Variants in AGBL1 observed in about 807,000 individuals in gnomAD.
AGBL1 encodes the protein AGBL carboxypeptidase 1.
Under a neutral mutation model 118.9 loss-of-function variants are expected in AGBL1, and 130 were observed. The ratio of observed to expected loss-of-function variants is 1.09; its 90% confidence interval spans 0.95 to 1.26. AGBL1 has a LOEUF of 1.26. Ranked by LOEUF, AGBL1 falls within the 50% of genes most tolerant of loss-of-function variation. AGBL1 has a pLI of 0.00. For missense variants in AGBL1, 1,584 were observed against 1,298.1 expected, an observed-to-expected ratio of 1.22 and a Z score of -3.38; for synonymous variants, 555 against 478.9, an observed-to-expected ratio of 1.16 and a Z score of -2.08.
intron 22 of AGBL1, among the ~76,000 whole-genome samples, chr15:86,749,255 G>A (rs1380116149): frequency 3.3e-5 from 5 of 151,926 alleles, no homozygotes; most frequent in Admixed American, 6.6e-5. Flanking sequence ...CCTAAGTATT[G>A]TATTCTCTTT....
At chr15:86,642,723 G>C (rs1037650520) in intron 21 of AGBL1, among the ~76,000 whole-genome samples, 30 of 151,770 alleles carry the variant, frequency 2.0e-4, no homozygotes, top group Non-Finnish European at 7.4e-5. Context: ...GATTCTATTT[G>C]CTTGGTTTTT....
chr15:86,878,913 T>A, intron 22 of AGBL1, among the ~76,000 whole-genome samples: 1 of 152,192 alleles, frequency 6.6e-6, no homozygotes, highest in East Asian at 1.9e-4. Flanking sequence ...ATTCTCTGAG[T>A]CCAGGAACCT....
intron 1 of AGBL1, among the ~76,000 whole-genome samples, chr15:86,108,366 T>G (rs1476282687): frequency 6.6e-6 from 1 of 152,018 alleles, no homozygotes; most frequent in Non-Finnish European, 1.5e-5. Context: ...TATAAATAGA[T>G]AAATAGATAG....
At chr15:86,358,786 C>T (rs2080759924) in intron 17 of AGBL1, among the ~76,000 whole-genome samples, 1 of 151,960 alleles carries the variant, frequency 6.6e-6, no homozygotes, top group South Asian at 2.1e-4. Context: ...CGCTGAGCAT[C>T]TTTTCCTACA....
intron 17 of AGBL1, among the ~76,000 whole-genome samples, chr15:86,373,876 T>C (rs569380272): frequency 7.9e-5 from 12 of 152,218 alleles, no homozygotes; most frequent in Non-Finnish European, 1.5e-4. Flanking sequence ...TTTATTATGG[T>C]GAGGTTTAAG....
chr15:86,471,448 T>C (rs2082477639), intron 18 of AGBL1, among the ~76,000 whole-genome samples: 1 of 152,088 alleles, frequency 6.6e-6, no homozygotes, highest in African/African-American at 2.4e-5. Context: ...TCACTTTGTT[T>C]GTATTTTGTG....
intron 21 of AGBL1, among the ~76,000 whole-genome samples, chr15:86,655,702 T>C (rs1426333420): frequency 6.6e-6 from 1 of 152,196 alleles, no homozygotes; most frequent in Non-Finnish European, 1.5e-5. Flanking sequence ...GTTGCTGTTG[T>C]CACTTGCTGG....
chr15:86,308,693 G>T (rs2079876813), intron 17 of AGBL1, among the ~76,000 whole-genome samples: 1 of 152,102 alleles, frequency 6.6e-6, no homozygotes, highest in Non-Finnish European at 1.5e-5. Context: ...TTTCCCCATT[G>T]TGTACTCTTG....
intron 22 of AGBL1, among the ~76,000 whole-genome samples, chr15:86,702,124 A>G (rs746794572): frequency 8.5e-5 from 13 of 152,110 alleles, no homozygotes; most frequent in Non-Finnish European, 1.3e-4. Context: ...CTCATATTAA[A>G]CAAATGTAAA....
chr15:86,134,329 G>A (rs2076856832), intron 1 of AGBL1, among the ~76,000 whole-genome samples: 1 of 152,200 alleles, frequency 6.6e-6, no homozygotes, highest in African/African-American at 2.4e-5. Flanking sequence ...TGGGCTATGA[G>A]CTGTGTCCTG....
At chr15:86,439,460 A>G (rs1489878302) in intron 18 of AGBL1, among the ~76,000 whole-genome samples, 3 of 152,170 alleles carry the variant, frequency 2.0e-5, no homozygotes, top group Non-Finnish European at 2.9e-5. Context: ...TTTTCCAAGT[A>G]GACTATAAAT....
intron 21 of AGBL1, among the ~76,000 whole-genome samples, chr15:86,556,002 A>G (rs1567055772): frequency 6.6e-6 from 1 of 152,152 alleles, no homozygotes; most frequent in Non-Finnish European, 1.5e-5. Context: ...GGGGCTTGTC[A>G]TTTGTTTAAA....
At chr15:87,006,127 G>A (rs1333358987) in intron 24 of AGBL1, among the ~76,000 whole-genome samples, 3 of 152,196 alleles carry the variant, frequency 2.0e-5, no homozygotes, top group Admixed American at 6.5e-5. Flanking sequence ...TGCCAGTTAG[G>A]CTACTCAGGG....
chr15:86,307,606 T>C (rs992128299), intron 17 of AGBL1, among the ~76,000 whole-genome samples: 1 of 152,096 alleles, frequency 6.6e-6, no homozygotes, highest in African/African-American at 2.4e-5. Flanking sequence ...AAATCAGAAT[T>C]TAGGTCTTCT....
chr15:86,404,559 G>A lies in AGBL1; in HGVS notation c.2555+7013G>A, dbSNP rs548833465. On this transcript the variant is annotated intron_variant, in intron 18 of 22. Transcript: ENST00000614907. ...ATGCAGCAGTGGCTCTCAGACTTTTGGATTTCACAGATCTGTTGAATTTAA... is the reference window on the plus strand; with the variant it reads ...ATGCAGCAGTGGCTCTCAGACTTTTAGATTTCACAGATCTGTTGAATTTAA... Among the ~76,000 whole-genome samples, 189 of 152,146 alleles carry A rather than the reference G, an allele frequency of 1.2e-3. 1 individual carries two copies. Among genetic ancestry groups the A allele is most frequent in the African/African-American group, 4.4e-3 (184 of 41,504 alleles).
rs907525626 is a variant in AGBL1, at chr15:86,613,294, C to A, written c.2994+58757C>A. Among the ~76,000 whole-genome samples the A allele has an allele frequency of 6.6e-6, 1 of 152,152 alleles. No individual in the cohort carries two copies. Among genetic ancestry groups the A allele is most frequent in the African/African-American group, 2.4e-5 (1 of 41,436 alleles). On this transcript the variant is annotated intron_variant, in intron 21 of 22. Coordinates refer to ENST00000614907, the MANE Select transcript of AGBL1 (RefSeq NM_001386094.1). This position sits in a 1 kb window ranked among gnomAD's most constrained non-coding sequence, Gnocchi z 4.2. ...ATCCCAAACCATTGGAGAACTGCAG[C>A]ATGGTGAAGGCAGTCGAGGTCCCAT...
chr15:86,150,167 A>G (rs2077088299), intron 3 of AGBL1, among the ~76,000 whole-genome samples: 1 of 152,254 alleles, frequency 6.6e-6, no homozygotes, highest in Admixed American at 6.5e-5. Context: ...TGCTCACAAG[A>G]GATAGCAGGA....
intron 1 of AGBL1, 110 bp from the exon 2 acceptor site, chr15:86,141,894 A>T: frequency 4.5e-6 from 5 of 1,120,850 alleles, no homozygotes; most frequent in Non-Finnish European, 6.3e-6. Context: ...CGCTGTAGTT[A>T]ATCTTTCTCC....
In AGBL1 at chr15:86,625,364, C is replaced by CCTTTTTTTTTTTTTTTTTTTTTTTTT. The variant is rs1429206623; in HGVS notation, c.2995-48909_2995-48908insCTTTTTTTTTTTTTTTTTTTTTTTTT. Among the ~76,000 whole-genome samples, 5 of 68,260 alleles carry CCTTTTTTTTTTTTTTTTTTTTTTTTT rather than the reference C, an allele frequency of 7.3e-5. 2 individuals carry two copies. The highest frequency in any genetic ancestry group is 8.4e-5 in the Non-Finnish European group (3 of 35,668). The allele number at this position is 68,260 out of a possible 152,430, so 44.8% of individuals were successfully genotyped here. ...CAGCCTCCAAGGTAGAAGAAATTAG[C>CCTTTTTTTTTTTTTTTTTTTTTTTTT]GTTTTTTTTTTTTTGTTTTTGTTTT... On this transcript the variant is annotated intron_variant, in intron 21 of 22. Coordinates refer to ENST00000614907, the MANE Select transcript of AGBL1 (RefSeq NM_001386094.1).
Sources: gnomAD v4.1 joint callset for allele counts (sites outside exome capture counted in the v4.1 genomes callset) on GRCh38, gnomAD v4.1.1 for gene constraint, Gnocchi (gnomAD v3.1) non-coding constraint, MANE v1.5 for transcripts, NCBI Gene and HGNC (gene_info 2026-07-23, HGNC 2026-07-21) for gene names.